The following ACADSB variants were observed in gnomAD, a reference collection of about 807,000 sequenced individuals.
ACADSB encodes short/branched chain specific acyl-CoA dehydrogenase, mitochondrial.
In ACADSB, 40 loss-of-function variants were observed where a neutral mutation model predicts 54.1. The ratio of observed to expected loss-of-function variants is 0.74; its 90% CI spans 0.57 to 0.96. ACADSB has a LOEUF of 0.96. Among genes scored for constraint, ACADSB ranks in the 40% least tolerant of loss-of-function variants. The pLI is 0.00. For missense variants in ACADSB, 530 were observed against 510.4 expected (o/e 1.04, Z -0.37); for synonymous variants, 182 against 182.8 (o/e 1.00, Z 0.03).
intron 1 of ACADSB, among the ~76,000 whole-genome samples, chr10:123,023,552 G>C (rs1043932758): frequency 7.2e-5 from 11 of 152,082 alleles, no homozygotes; most frequent in Non-Finnish European, 1.3e-4. Context: ...AGCAATACAG[G>C]CTCACCAGTT....
chr10:123,035,149 G>C (rs1461178151), intron 2 of ACADSB, among the ~76,000 whole-genome samples: 1 of 151,926 alleles, frequency 6.6e-6, no homozygotes, highest in Non-Finnish European at 1.5e-5. Flanking sequence ...GTACAGACGT[G>C]GTTTCACCGT....
chr10:123,018,473 G>C (rs1050709456), intron 1 of ACADSB, among the ~76,000 whole-genome samples: 5 of 152,158 alleles, frequency 3.3e-5, no homozygotes, highest in African/African-American at 1.2e-4. Context: ...AGATGGGAAA[G>C]GTTGCGTTTT....
chr10:123,020,117 G>A (rs1167652144), intron 1 of ACADSB, among the ~76,000 whole-genome samples: 2 of 152,102 alleles, frequency 1.3e-5, no homozygotes, highest in Non-Finnish European at 2.9e-5. Flanking sequence ...CAAGTACCTG[G>A]CTCATTAAAT....
chr10:123,031,802 A>G (rs1461361042), intron 1 of ACADSB, among the ~76,000 whole-genome samples: 3 of 152,030 alleles, frequency 2.0e-5, no homozygotes, highest in Admixed American at 1.3e-4. Flanking sequence ...TTTAAGTACA[A>G]TTGTCTCTGT....
intron 1 of ACADSB, among the ~76,000 whole-genome samples, chr10:123,024,321 A>C (rs901193520): frequency 2.0e-5 from 3 of 152,242 alleles, no homozygotes; most frequent in Admixed American, 6.5e-5. Context: ...ACATGTAGGG[A>C]TTAGGGACCA....
chr10:123,013,846 C>G (rs577753525), intron 1 of ACADSB, among the ~76,000 whole-genome samples: 9 of 152,332 alleles, frequency 5.9e-5, no homozygotes, highest in Non-Finnish European at 1.2e-4. Flanking sequence ...AGCTGGCCCA[C>G]AAGCGCCACG....
chr10:123,048,021 C>G (rs923662744), intron 8 of ACADSB, among the ~76,000 whole-genome samples: 6 of 152,156 alleles, frequency 3.9e-5, no homozygotes, highest in Non-Finnish European at 1.5e-5. Flanking sequence ...GAGATCTTGC[C>G]AGGGTGGGGG....
rs552727483 is a variant in ACADSB at position 123,047,193 on chromosome 10, T to G, written c.901-16T>G. On this transcript the variant is annotated splice_polypyrimidine_tract_variant and intron_variant, in intron 7 of 10. Transcript: ENST00000358776. ...ACAAAATAAGAAATTCTGATCTTAT[T>G]TTTTTGTTTTAACAGATGCTGGGAC... is the stretch of plus-strand genomic sequence containing the variant. The G allele has an allele frequency of 6.4e-7, 1 of 1,563,526 alleles. No homozygotes were observed. The highest frequency in any genetic ancestry group is 1.4e-5 in the African/African-American group (1 of 73,882).
intron 3 of ACADSB, among the ~76,000 whole-genome samples, chr10:123,039,956 A>G (rs1443132172): frequency 2.0e-5 from 3 of 152,198 alleles, no homozygotes; most frequent in African/African-American, 7.2e-5. Context: ...TATCCTTTTC[A>G]AATATACAGT....
intron 1 of ACADSB, among the ~76,000 whole-genome samples, chr10:123,029,663 C>CT (rs1391628642): frequency 1.3e-5 from 2 of 152,178 alleles, no homozygotes; most frequent in Non-Finnish European, 2.9e-5. Flanking sequence ...ATAAGATATT[C>CT]TGTTGCATCA....
intron 8 of ACADSB, among the ~76,000 whole-genome samples, chr10:123,047,924 T>C (rs1850580839): frequency 6.6e-6 from 1 of 152,198 alleles, no homozygotes; most frequent in Non-Finnish European, 1.5e-5. Context: ...TGGGTAATAC[T>C]GATTTGGTCC....
In ACADSB at chr10:123,055,769, A is replaced by G. The variant is rs934804743; in HGVS notation, c.*2004A>G. 1 of 152,238 alleles carries G rather than the reference A, an allele frequency of 6.6e-6. No individual in the cohort carries two copies. Among genetic ancestry groups the G allele is most frequent in the African/African-American group, 2.4e-5 (1 of 41,448 alleles). The allele number at this position is 152,238 out of a possible 1,614,324, so 9.4% of individuals were successfully genotyped here. A position where few individuals can be genotyped will look rare whatever the true frequency, so the allele number is the denominator to read the frequency against. ...GGGTAACAGGGCCCATGCAAGTCCA[A>G]AATTCAGCAGGGCAGTCAAATTTTA... On this transcript the variant is annotated 3_prime_UTR_variant, in exon 11 of 11. Transcript: ENST00000358776.
At chr10:123,026,616 CT>C (rs1850255188) in intron 1 of ACADSB, among the ~76,000 whole-genome samples, 2 of 151,918 alleles carry the variant, frequency 1.3e-5, no homozygotes, top group South Asian at 4.1e-4. Context: ...AAACAAAAAC[CT>C]TGGTACTTGT....
At chr10:123,027,596 A>G (rs1347441835) in intron 1 of ACADSB, 2 of 452,208 alleles carry the variant, frequency 4.4e-6, no homozygotes, top group East Asian at 1.4e-4. Flanking sequence ...TGGAACTGTA[A>G]GTCCAGTTAA....
At chr10:123,042,085 C>T (rs1343724198) in intron 5 of ACADSB, among the ~76,000 whole-genome samples, 1 of 151,720 alleles carries the variant, frequency 6.6e-6, no homozygotes, top group East Asian at 1.9e-4. Flanking sequence ...CCTGCCTCAG[C>T]CTCCCAAGTA....
Position 123,051,188 on chromosome 10 carries a change from TAAAAAAAAAAAAAAAA to T in ACADSB, c.1128+11_1128+26del, listed in dbSNP as rs10571424. ...ATGGCCAAATACTATGCATCAGAGG[TAAAAAAAAAAAAAAAA>T]AAAAAAAAGGAAAAAGTAATTCAGC... On this transcript the variant is annotated splice_donor_5th_base_variant and intron_variant, in intron 9 of 10. Transcript: ENST00000358776. 18 of 1,018,036 alleles carry T rather than the reference TAAAAAAAAAAAAAAAA, an allele frequency of 1.8e-5. No individual in the cohort carries two copies. The highest frequency in any genetic ancestry group is 2.2e-5 in the Non-Finnish European group (18 of 826,068). The allele number at this position is 1,018,036 out of a possible 1,614,324, so 63.1% of individuals were successfully genotyped here.
intron 1 of ACADSB, among the ~76,000 whole-genome samples, chr10:123,033,005 C>T (rs1023630424): frequency 5.3e-4 from 81 of 152,150 alleles, no homozygotes; most frequent in South Asian, 2.1e-4. Flanking sequence ...CTTTGCACTT[C>T]GATTCTTACC....
At chr10:123,017,695 C>A (rs888201675) in intron 1 of ACADSB, among the ~76,000 whole-genome samples, 1 of 143,112 alleles carries the variant, frequency 7.0e-6, no homozygotes, top group Non-Finnish European at 1.6e-5. Context: ...TCCTGCTAGA[C>A]AAGAAACGTT....
intron 8 of ACADSB, among the ~76,000 whole-genome samples, chr10:123,047,888 A>G (rs943013918): frequency 2.6e-5 from 4 of 152,180 alleles, no homozygotes; most frequent in African/African-American, 9.6e-5. Context: ...CATTAAATAC[A>G]AATGAGGTGC....
Sources: gnomAD v4.1 joint callset for allele counts (sites outside exome capture counted in the v4.1 genomes callset) on GRCh38, gnomAD v4.1.1 for gene constraint, MANE v1.5 for transcripts, NCBI Gene and HGNC (gene_info 2026-07-23, HGNC 2026-07-21) for gene names.